The following MAST4 variants were observed in gnomAD, a reference collection of about 807,000 sequenced individuals.
The protein encoded by MAST4 is microtubule associated serine/threonine kinase family member 4.
Under a neutral mutation model 162.7 loss-of-function variants are expected in MAST4, and 89 were observed. The ratio of observed to expected loss-of-function variants is 0.55; its 90% CI spans 0.46 to 0.65. The LOEUF is 0.65. Among genes scored for constraint, MAST4 ranks in the 30% least tolerant of loss-of-function variants. The pLI, the probability that MAST4 is intolerant of heterozygous loss-of-function variation, is 0.00. For synonymous variants in MAST4, 1,479 were observed against 1,361.1 expected (o/e 1.09, Z -1.91); for missense variants, 3,153 against 3,374.0 (o/e 0.93, Z 1.62).
chr5:66,699,583 A>C (rs1243785449), intron 1 of MAST4, among the ~76,000 whole-genome samples: 1 of 152,202 alleles, frequency 6.6e-6, no homozygotes, highest in Non-Finnish European at 1.5e-5. Flanking sequence ...TGCAGCCATA[A>C]AAAGGAATGA....
chr5:66,697,417 G>C (rs768148087), intron 1 of MAST4, among the ~76,000 whole-genome samples: 21 of 152,204 alleles, frequency 1.4e-4, no homozygotes, highest in Non-Finnish European at 2.4e-4. Flanking sequence ...GATATGGTTT[G>C]AAATTTTAAT....
At chr5:67,024,310 G>GAT (rs1319513311) in intron 4 of MAST4, among the ~76,000 whole-genome samples, 59 of 140,810 alleles carry the variant, frequency 4.2e-4, no homozygotes, top group East Asian at 1.2e-3. Flanking sequence ...AAACAAGGAA[G>GAT]ATATATATAT....
Position 67,166,267 on chromosome 5 carries a change from C to T in MAST4, c.7088C>T (p.Ala2363Val). The change falls in exon 29 of 29, where the codon GCC becomes GTC. Residue 2363 changes from alanine to valine, a missense_variant. Ala to Val is a moderately conservative substitution (Grantham distance 64). Transcript: ENST00000403625. ...QTDKSPSQPA[A>V]NTDRRAEGKK... is the part of the protein sequence containing the mutation. ...GACAAAAGCCCGAGTCAGCCGGCCG[C>T]CAACACCGACAGAAGGGCGGAAGGG... 1.3e-6 allele frequency: 2 copies of T among 1,554,852 alleles called. No individual in the cohort carries two copies. Among genetic ancestry groups the T allele is most frequent in the Non-Finnish European group, 1.7e-6 (2 of 1,148,730 alleles).
chr5:66,840,511 A>G (rs1580606769), intron 3 of MAST4, among the ~76,000 whole-genome samples: 1 of 151,410 alleles, frequency 6.6e-6, no homozygotes, highest in Non-Finnish European at 1.5e-5. Flanking sequence ...GATAGATTCA[A>G]TCCTTAAATT....
intron 4 of MAST4, among the ~76,000 whole-genome samples, chr5:67,028,746 T>A (rs1250260786): frequency 2.6e-5 from 4 of 152,102 alleles, no homozygotes; most frequent in Admixed American, 2.0e-4. Context: ...TGGGATTCAT[T>A]GGACTGGAGC....
At position 67,149,521 on chromosome 5, in the gene MAST4, A is replaced by G; in HGVS notation, c.3227A>G (p.Lys1076Arg). 1 of 1,613,832 alleles carries G rather than the reference A, an allele frequency of 6.2e-7. No homozygotes were observed. The highest frequency in any genetic ancestry group is 8.5e-7 in the Non-Finnish European group (1 of 1,179,858). Residue 1076 changes from lysine (K) to arginine (R), a missense_variant, in exon 24 of 29, where the codon AAA becomes AGA. This residue lies in a region of MAST4 where 619 missense variants were observed against 744.2 expected (regional missense o/e 0.83). Transcript: ENST00000403625. ...CGGCAGCGATTAGAAAGCACAGAAA[A>G]AAAGAAAATCTCGGGGAAAGTCACA... ...MARQRLESTE[K>R]KKISGKVTKS...
intron 4 of MAST4, among the ~76,000 whole-genome samples, chr5:67,010,075 T>C (rs984328886): frequency 2.0e-5 from 3 of 152,144 alleles, no homozygotes; most frequent in African/African-American, 7.2e-5. Context: ...TACTTGCCCC[T>C]TTTTTCCCCT....
intron 3 of MAST4, among the ~76,000 whole-genome samples, chr5:66,850,325 A>G (rs1401570415): frequency 6.6e-6 from 1 of 152,238 alleles, no homozygotes; most frequent in South Asian, 2.1e-4. Context: ...GAAGTTATCA[A>G]AATAGTGAAT....
Position 66,623,363 on chromosome 5 carries a change from C to T in MAST4, c.363+26345C>T, listed in dbSNP as rs141350067. ...GAAAAGAAAACTACAGGCTATAATC[C>T]CTGATAAACATAGATGCAAAAATCC... is the stretch of plus-strand genomic sequence containing the variant. On this transcript the variant is annotated intron_variant, in intron 1 of 28. Transcript: ENST00000403625. 4.2e-3 allele frequency among the ~76,000 whole-genome samples: 641 copies of T among 152,184 alleles called. 4 individuals carry two copies. The highest frequency in any genetic ancestry group is 0.015 in the African/African-American group (626 of 41,520).
intron 10 of MAST4, among the ~76,000 whole-genome samples, chr5:67,106,045 C>T (rs1765560275): frequency 6.6e-6 from 1 of 152,192 alleles, no homozygotes; most frequent in Non-Finnish European, 1.5e-5. Flanking sequence ...CTCCTTTTCT[C>T]TGCCTTCCTT....
intron 4 of MAST4, among the ~76,000 whole-genome samples, chr5:66,948,001 C>T (rs1044334077): frequency 6.6e-6 from 1 of 152,080 alleles, no homozygotes; most frequent in South Asian, 2.1e-4. Context: ...GTCTGGATGA[C>T]AGTATTCTCA....
At chr5:66,828,869 G>C in intron 3 of MAST4, 1 of 1,605,432 alleles carries the variant, frequency 6.2e-7, no homozygotes, top group Non-Finnish European at 8.5e-7. Context: ...ATTCTAAGAC[G>C]AAGAGGGCTC....
chr5:66,918,350 G>T (rs1764254913), intron 4 of MAST4, among the ~76,000 whole-genome samples: 1 of 152,108 alleles, frequency 6.6e-6, no homozygotes, highest in Admixed American at 6.5e-5. Flanking sequence ...AATACACCAT[G>T]TACTTTGGAA....
intron 10 of MAST4, 133 bp downstream of exon 10, chr5:67,104,708 A>G (rs922003428): frequency 1.5e-6 from 1 of 658,452 alleles, no homozygotes; most frequent in East Asian, 2.7e-5. Context: ...AAAAAAAAAA[A>G]AAAACTCACC....
chr5:66,808,246 A>G (rs1399452140), intron 3 of MAST4, among the ~76,000 whole-genome samples: 1 of 152,172 alleles, frequency 6.6e-6, no homozygotes, highest in Non-Finnish European at 1.5e-5. Context: ...AGGACTGCTC[A>G]GGGGGACTCG....
chr5:67,039,741 AATTTAGTGAGG>A (rs1236307233), intron 4 of MAST4, among the ~76,000 whole-genome samples: 2 of 152,104 alleles, frequency 1.3e-5, no homozygotes, highest in Admixed American at 6.5e-5. Context: ...TAATCCACAC[AATTTAGTGAGG>A]CCTCTTTCTA....
intron 4 of MAST4, among the ~76,000 whole-genome samples, chr5:66,970,082 C>CACGGT (rs1481093608): frequency 6.6e-6 from 1 of 152,144 alleles, no homozygotes; most frequent in Admixed American, 6.5e-5. Flanking sequence ...TGATTATGAA[C>CACGGT]ACGGTGCCAG....
Position 67,163,946 on chromosome 5 carries a change from C to T in MAST4, c.4767C>T (p.Asn1589=), listed in dbSNP as rs1773543794. The T allele has an allele frequency of 3.1e-6, 5 of 1,613,544 alleles. No individual in the cohort carries two copies. The East Asian group carries it at 6.7e-5, about 22-fold the overall frequency. Residue 1589 remains asparagine, a synonymous_variant, in exon 29 of 29, where the codon AAC becomes AAT. Coordinates refer to ENST00000403625, the MANE Select transcript of MAST4 (RefSeq NM_001164664.2). The surrounding 1 kb of genome is among the most constrained non-coding windows in gnomAD (Gnocchi z 7.0). The stretch of plus-strand genomic sequence containing the variant: ...TGGAAAGGTCAAGTACTTTTGAAAA[C>T]AAAGCGTCTATGCAGGAGGCGCCAC... ...KAVERSSTFE[N]KASMQEAPPL... is the part of the protein sequence containing the mutation.
chr5:67,164,976 ACTGACCCCAAGCTT>A lies in MAST4; in HGVS notation c.5804_5817del (p.Pro1935LeufsTer10). On this transcript the variant is annotated frameshift_variant, in exon 29 of 29. Coordinates refer to ENST00000403625, the MANE Select transcript of MAST4 (RefSeq NM_001164664.2). LOFTEE classifies it low-confidence loss of function (END_TRUNC). This position sits in a 1 kb window ranked among gnomAD's most constrained non-coding sequence, Gnocchi z 5.3. ...CTCCCCTAAACACCAAGACCACACC[ACTGACCCCAAGCTT>A]CTGACCTGCCTGGGGCAGAACCTCC... 1.2e-6 allele frequency: 2 copies of A among 1,613,740 alleles called. No homozygotes were observed. Among genetic ancestry groups the A allele is most frequent in the Non-Finnish European group, 8.5e-7 (1 of 1,179,816 alleles).
Sources: gnomAD v4.1 joint callset for allele counts (sites outside exome capture counted in the v4.1 genomes callset) on GRCh38, gnomAD v4.1.1 for gene constraint, gnomAD v4.1.1 regional missense constraint, Gnocchi (gnomAD v3.1) non-coding constraint, MANE v1.5 for transcripts, NCBI Gene and HGNC (gene_info 2026-07-23, HGNC 2026-07-21) for gene names.